Variants in NBAS observed in about 807,000 individuals in gnomAD.
NBAS encodes the protein NBAS subunit of NRZ tethering complex.
In NBAS, 219 loss-of-function variants were observed where a neutral mutation model predicts 302.5. The ratio of observed to expected loss-of-function variants is 0.72; its 90% confidence interval spans 0.65 to 0.81. The LOEUF is 0.81. Ranked by LOEUF, NBAS falls within the 30% of genes least tolerant of loss-of-function variation. The probability of loss-of-function intolerance (pLI) is 0.00; values close to 1 mark genes in which losing one functional copy is unlikely to be tolerated. For synonymous variants in NBAS, 1,118 were observed against 1,021.6 expected (o/e 1.09, Z -1.80); for missense variants, 2,932 against 2,841.6 (o/e 1.03, Z -0.72).
intron 9 of NBAS, among the ~76,000 whole-genome samples, chr2:15,530,441 A>C (rs1343442629): frequency 6.6e-6 from 1 of 152,154 alleles, no homozygotes; most frequent in Non-Finnish European, 1.5e-5. Flanking sequence ...AATAGGAAAT[A>C]TATCAGCAAA....
chr2:14,936,606 A>C, the NBAS span, among the ~76,000 whole-genome samples: 1 of 152,360 alleles, frequency 6.6e-6, no homozygotes, highest in African/African-American at 2.4e-5. Context: ...TAGGAAGCCA[A>C]GATAACTGGC....
intron 36 of NBAS, among the ~76,000 whole-genome samples, chr2:15,330,111 T>A (rs376652855): frequency 2.0e-5 from 3 of 152,200 alleles, no homozygotes; most frequent in African/African-American, 7.2e-5. Flanking sequence ...AATAGTTGTA[T>A]GTTTTTCCTC....
chr2:15,537,646 G>T (rs559265350), intron 7 of NBAS, among the ~76,000 whole-genome samples: 17 of 152,182 alleles, frequency 1.1e-4, no homozygotes, highest in Admixed American at 9.2e-4. Flanking sequence ...AGGTGTGGCT[G>T]CACTATGATC....
chr2:14,864,221 A>G, the NBAS span, among the ~76,000 whole-genome samples: 40,353 of 151,426 alleles, frequency 0.27, 10,100 homozygotes, highest in African/African-American at 0.66. Flanking sequence ...GGAGGCTGAG[A>G]CAGGAAAATC....
At chr2:15,144,046 A>ATATATATATATATACAT in the NBAS span, among the ~76,000 whole-genome samples, 1 of 104,578 alleles carries the variant, frequency 9.6e-6, no homozygotes, top group African/African-American at 4.8e-5. Flanking sequence ...CCTATATATA[A>ATATATATATATATACAT]AAATATATAT....
rs553339068 is a variant in NBAS, at chr2:15,464,473, G to A, written c.2098-2682C>T. 1.0e-3 allele frequency among the ~76,000 whole-genome samples: 154 copies of A among 152,076 alleles called. 1 individual carries two copies. The highest frequency in any genetic ancestry group is 3.5e-3 in the African/African-American group (145 of 41,466). On this transcript the variant is annotated intron_variant, in intron 19 of 51. Transcript: ENST00000281513. ...TAAAAAGCCTCAAAATCCCACCCAT[G>A]CCCTGGATCCCATTTCTACTCCACT...
At chr2:15,143,018 G>A in the NBAS span, among the ~76,000 whole-genome samples, 1 of 152,194 alleles carries the variant, frequency 6.6e-6, no homozygotes, top group Non-Finnish European at 1.5e-5. Context: ...GGTCCGTGCA[G>A]TATTCTCTAG....
At chr2:15,153,191 C>A in the NBAS span, among the ~76,000 whole-genome samples, 22 of 152,308 alleles carry the variant, frequency 1.4e-4, no homozygotes, top group African/African-American at 4.6e-4. Flanking sequence ...AAAATCTACC[C>A]ATGATGATTA....
intron 9 of NBAS, among the ~76,000 whole-genome samples, chr2:15,530,319 A>G (rs537015134): frequency 1.3e-5 from 2 of 152,262 alleles, no homozygotes; most frequent in South Asian, 4.1e-4. Flanking sequence ...TTTCCTTAAG[A>G]AAGATTTTTA....
At chr2:14,913,122 T>C in the NBAS span, among the ~76,000 whole-genome samples, 3 of 152,228 alleles carry the variant, frequency 2.0e-5, no homozygotes, top group Non-Finnish European at 4.4e-5. Context: ...TTAACTTTCA[T>C]CCACTCATTA....
intron 9 of NBAS, among the ~76,000 whole-genome samples, chr2:15,532,317 G>A (rs942289592): frequency 2.6e-5 from 4 of 151,538 alleles, no homozygotes; most frequent in African/African-American, 4.8e-5. Context: ...GTGAAACCCC[G>A]TCTCTACTAA....
the NBAS span, among the ~76,000 whole-genome samples, chr2:15,000,812 G>A: frequency 6.6e-6 from 1 of 152,186 alleles, no homozygotes; most frequent in Admixed American, 6.5e-5. Context: ...TCAGGCTCCT[G>A]CTTGAGAGAG....
chr2:15,247,338 A>G (rs1295986480), intron 44 of NBAS, among the ~76,000 whole-genome samples: 1 of 152,182 alleles, frequency 6.6e-6, no homozygotes, highest in Non-Finnish European at 1.5e-5. Context: ...TTAACGGCCA[A>G]AATAACCAGC....
intron 44 of NBAS, among the ~76,000 whole-genome samples, chr2:15,262,706 G>A (rs1668904670): frequency 6.6e-6 from 1 of 152,226 alleles, no homozygotes; most frequent in Middle Eastern, 3.4e-3. Flanking sequence ...AGATTTTCCT[G>A]TGTCTATGTT....
At chr2:15,206,849 T>A (rs567839989) in intron 48 of NBAS, among the ~76,000 whole-genome samples, 1 of 152,238 alleles carries the variant, frequency 6.6e-6, no homozygotes, top group South Asian at 2.1e-4. Flanking sequence ...TGTATGGAAA[T>A]CCCTGGAGGT....
intron 21 of NBAS, among the ~76,000 whole-genome samples, chr2:15,446,849 A>C (rs1678773282): frequency 6.6e-6 from 1 of 151,452 alleles, no homozygotes; most frequent in Non-Finnish European, 1.5e-5. Flanking sequence ...TATAAGTTAA[A>C]GAAGTCTACT....
chr2:15,545,643 T>C (rs1158413260), intron 6 of NBAS, among the ~76,000 whole-genome samples: 1 of 152,214 alleles, frequency 6.6e-6, no homozygotes, highest in Non-Finnish European at 1.5e-5. Context: ...AAACTCAAGA[T>C]TTAAAATTGG....
chr2:15,383,358 A>C, intron 28 of NBAS, 41 bp from the exon 29 acceptor site: 2 of 1,564,250 alleles, frequency 1.3e-6, no homozygotes, highest in Non-Finnish European at 1.8e-6. Flanking sequence ...AGGGAAAGAA[A>C]ACAATTAAAA....
At chr2:14,812,205 A>C in the NBAS span, among the ~76,000 whole-genome samples, 70 of 152,292 alleles carry the variant, frequency 4.6e-4, no homozygotes, top group African/African-American at 1.6e-3. Context: ...GGGCTTTCTC[A>C]AAAAATGGTG....
Sources: allele counts gnomAD v4.1 joint callset (sites outside exome capture counted in the v4.1 genomes callset), GRCh38; gene constraint gnomAD v4.1.1; transcripts MANE v1.5; gene names NCBI Gene and HGNC (gene_info 2026-07-23, HGNC 2026-07-21).